MAML2: variants seen among roughly 807,000 people sequenced by gnomAD.
MAML2 encodes mastermind-like protein 2.
A neutral mutation model predicts 96.1 loss-of-function variants in MAML2; 22 were observed. The observed-to-expected ratio is 0.23, with a 90% CI of 0.16 to 0.33. The LOEUF (loss-of-function observed/expected upper bound fraction) is 0.33, where lower values mean the gene tolerates loss of function less well. Ranked by LOEUF, MAML2 falls within the 10% of genes least tolerant of loss-of-function variation. The pLI, the probability that MAML2 is intolerant of heterozygous loss-of-function variation, is 1.00. For missense variants in MAML2, 1,367 were observed against 1,392.4 expected (o/e 0.98, Z 0.29); for synonymous variants, 561 against 521.3 (o/e 1.08, Z -1.04).
At chr11:96,314,090 A>T (rs145450214) in intron 1 of MAML2, among the ~76,000 whole-genome samples, 15 of 152,326 alleles carry the variant, frequency 9.8e-5, no homozygotes, top group African/African-American at 2.6e-4. Flanking sequence ...AAAGGAAAAA[A>T]TTTCAGGCAA....
intron 1 of MAML2, among the ~76,000 whole-genome samples, chr11:96,301,520 C>A (rs545101720): frequency 6.6e-6 from 1 of 152,296 alleles, no homozygotes; most frequent in African/African-American, 2.4e-5. Context: ...CCTGGTCATG[C>A]CACATGGATA....
chr11:96,051,121 T>C (rs929571926), intron 2 of MAML2, among the ~76,000 whole-genome samples: 1 of 152,192 alleles, frequency 6.6e-6, no homozygotes, highest in Non-Finnish European at 1.5e-5. Context: ...GGAGGTCTTC[T>C]GTAGTGCCTT....
intron 2 of MAML2, among the ~76,000 whole-genome samples, chr11:96,037,515 C>A (rs1858737119): frequency 2.0e-5 from 3 of 152,142 alleles, no homozygotes; most frequent in African/African-American, 7.2e-5. Context: ...GGCTGGTGAC[C>A]ATGGAAAACT....
intron 1 of MAML2, among the ~76,000 whole-genome samples, chr11:96,153,936 AATAAATAAATAAATAT>A (rs1373409423): frequency 6.6e-6 from 1 of 151,488 alleles, no homozygotes; most frequent in Non-Finnish European, 1.5e-5. Context: ...TAAATAAATA[AATAAATAAATAAATAT>A]GATAAAACAA....
chr11:95,996,622 T>C (rs540851367), intron 2 of MAML2, among the ~76,000 whole-genome samples: 2 of 152,306 alleles, frequency 1.3e-5, no homozygotes, highest in East Asian at 1.9e-4. Context: ...GTACCTACTA[T>C]ATACATTCTT....
chr11:96,213,330 A>C (rs1042583273), intron 1 of MAML2, among the ~76,000 whole-genome samples: 3 of 152,224 alleles, frequency 2.0e-5, no homozygotes. Flanking sequence ...GAATTTACCT[A>C]CAACTATACG....
At chr11:96,036,425 G>A (rs1406831599) in intron 2 of MAML2, among the ~76,000 whole-genome samples, 4 of 152,146 alleles carry the variant, frequency 2.6e-5, no homozygotes, top group Non-Finnish European at 5.9e-5. Context: ...GCAGGAATAT[G>A]ATGGGAAAGA....
At chr11:96,305,093 AT>A (rs901908404) in intron 1 of MAML2, among the ~76,000 whole-genome samples, 5 of 152,080 alleles carry the variant, frequency 3.3e-5, no homozygotes, top group African/African-American at 7.3e-5. Context: ...ACTTTAATCC[AT>A]TTTTCAGTAA....
chr11:96,157,353 C>T (rs1365527479), intron 1 of MAML2, among the ~76,000 whole-genome samples: 3 of 152,350 alleles, frequency 2.0e-5, no homozygotes, highest in Admixed American at 1.3e-4. Flanking sequence ...TGTGAAATCA[C>T]ATAAAGCATA....
chr11:96,240,722 T>C (rs1302234401), intron 1 of MAML2, among the ~76,000 whole-genome samples: 2 of 152,122 alleles, frequency 1.3e-5, no homozygotes, highest in Admixed American at 6.5e-5. Context: ...CAAATAATTC[T>C]CTGATGTACA....
chr11:96,213,401 A>C (rs11826950), intron 1 of MAML2, among the ~76,000 whole-genome samples: 3,736 of 152,282 alleles, frequency 0.025, 157 homozygotes, highest in African/African-American at 0.084. Flanking sequence ...TGATCTTTTA[A>C]AGACCAGTAA....
intron 2 of MAML2, among the ~76,000 whole-genome samples, chr11:96,080,735 T>C (rs1231862385): frequency 2.0e-5 from 3 of 152,228 alleles, no homozygotes; most frequent in Non-Finnish European, 4.4e-5. Context: ...ATTGCTGAAT[T>C]GTTTTTTCTT....
chr11:96,137,927 C>T (rs980499709), intron 1 of MAML2, among the ~76,000 whole-genome samples: 3 of 152,118 alleles, frequency 2.0e-5, no homozygotes, highest in African/African-American at 7.2e-5. Context: ...CCCTTTCCAT[C>T]CTTTTCCCCA....
chr11:96,337,496 C>T (rs906806870), intron 1 of MAML2, among the ~76,000 whole-genome samples: 1 of 152,186 alleles, frequency 6.6e-6, no homozygotes. Context: ...CTTAGATGTT[C>T]TGGGGGACAC....
intron 1 of MAML2, among the ~76,000 whole-genome samples, chr11:96,298,972 G>C (rs1376446202): frequency 6.9e-6 from 1 of 144,710 alleles, no homozygotes; most frequent in African/African-American, 2.5e-5. Context: ...GTGAACCCGG[G>C]AGGTGGAGCT....
chr11:96,092,808 G>A lies in MAML2; in HGVS notation c.1223C>T (p.Pro408Leu). 8 of 1,610,660 alleles carry A rather than the reference G, an allele frequency of 5.0e-6. No homozygotes were observed. Among genetic ancestry groups the A allele is most frequent in the Non-Finnish European group, 6.8e-6 (8 of 1,177,618 alleles). Residue 408 changes from proline to leucine, a missense_variant, in exon 2 of 5, where the codon CCT becomes CTT. Coordinates refer to ENST00000524717, the MANE Select transcript of MAML2 (RefSeq NM_032427.4). The surrounding 1 kb of genome is among the most constrained non-coding windows in gnomAD (Gnocchi z 4.1). ...TGTCTGAGGCTGAGCCTGGCTCTGA[G>A]GGACTGAAGGGATTGGAGACGAAGT... is the stretch of plus-strand genomic sequence containing the variant. ...LSTSSPIPSVPQSQAQPQTGS... is the reference protein window; with the variant it reads ...LSTSSPIPSVLQSQAQPQTGS...
chr11:96,213,526 C>T (rs1407936862), intron 1 of MAML2, among the ~76,000 whole-genome samples: 1 of 152,086 alleles, frequency 6.6e-6, no homozygotes, highest in Admixed American at 6.5e-5. Flanking sequence ...TCATAGCATC[C>T]CATATGGAAG....
Position 96,339,215 on chromosome 11 carries a change from G to C in MAML2, c.513+2168C>G, listed in dbSNP as rs536665779. 6.6e-5 allele frequency among the ~76,000 whole-genome samples: 10 copies of C among 152,262 alleles called. No homozygotes were observed. In the East Asian group the frequency reaches 1.9e-3, roughly 29 times the overall value. ...CAGGAGATGGCTGGTGGTTAGAAGA[G>C]AGAAAGATTCCCTCTTAGGCCAGAG... On this transcript the variant is annotated intron_variant, in intron 1 of 4. Coordinates refer to ENST00000524717, the MANE Select transcript of MAML2 (RefSeq NM_032427.4).
intron 2 of MAML2, among the ~76,000 whole-genome samples, chr11:96,010,588 T>C (rs1463517744): frequency 6.6e-6 from 1 of 152,182 alleles, no homozygotes; most frequent in East Asian, 1.9e-4. Flanking sequence ...ACAATGTAGA[T>C]GAGTTAAGAA....
Sources: gnomAD v4.1 joint callset for allele counts (sites outside exome capture counted in the v4.1 genomes callset) on GRCh38, gnomAD v4.1.1 for gene constraint, Gnocchi (gnomAD v3.1) non-coding constraint, MANE v1.5 for transcripts, NCBI Gene and HGNC (gene_info 2026-07-23, HGNC 2026-07-21) for gene names.